The following ANK3 variants were observed in gnomAD, a reference collection of about 807,000 sequenced individuals.
ANK3 encodes ankyrin 3.
Under a neutral mutation model 370.9 loss-of-function variants are expected in ANK3, and 57 were observed. The observed-to-expected ratio is 0.15, with a 90% CI of 0.12 to 0.19. ANK3 has a LOEUF of 0.19. Among genes scored for constraint, ANK3 ranks in the 10% least tolerant of loss-of-function variants. The pLI, the probability that ANK3 is intolerant of heterozygous loss-of-function variation, is 1.00. For synonymous variants in ANK3, 1,929 were observed against 1,946.3 expected (o/e 0.99, Z 0.23); for missense variants, 4,439 against 5,302.1 (o/e 0.84, Z 5.06).
intron 2 of ANK3, among the ~76,000 whole-genome samples, chr10:60,592,946 A>C (rs2077937284): frequency 6.6e-6 from 1 of 152,128 alleles, no homozygotes; most frequent in Non-Finnish European, 1.5e-5. Context: ...AACACACCCT[A>C]ACCTTCTTTC....
At chr10:60,351,422 G>A (rs931702043) in intron 1 of ANK3, among the ~76,000 whole-genome samples, 17 of 152,160 alleles carry the variant, frequency 1.1e-4, no homozygotes, top group South Asian at 4.1e-4. Flanking sequence ...TACATCTGCT[G>A]TGTTTATGAG....
At chr10:60,567,912 G>T (rs1451950701) in intron 2 of ANK3, among the ~76,000 whole-genome samples, 2 of 152,116 alleles carry the variant, frequency 1.3e-5, no homozygotes, top group African/African-American at 2.4e-5. Flanking sequence ...GAAACCTGAA[G>T]ACATGATTGA....
In ANK3 at chr10:60,070,927, G is replaced by C. The variant is rs374022277; in HGVS notation, c.9954C>G (p.Ser3318Arg). The C allele has an allele frequency of 6.2e-7, 1 of 1,613,966 alleles. No individual in the cohort carries two copies. The highest frequency in any genetic ancestry group is 8.5e-7 in the Non-Finnish European group (1 of 1,179,966). ...CTGGCTGATAAATAGATTCGTCATC[G>C]CTTGAATCACTGACGTCTGCCCCGG... Reference protein sequence around the residue: ...VPPGADVSDSSDDESIYQPVP... With the variant: ...VPPGADVSDSRDDESIYQPVP... The change falls in exon 37 of 44, where the codon AGC (serine) becomes AGG (arginine). Residue 3318 changes from serine to arginine, a missense_variant. Coordinates refer to ENST00000280772, the MANE Select transcript of ANK3 (RefSeq NM_020987.5). This position sits in a 1 kb window ranked among gnomAD's most constrained non-coding sequence, Gnocchi z 5.7.
chr10:60,724,422 C>T (rs2079913178), intron 1 of ANK3, among the ~76,000 whole-genome samples: 1 of 151,696 alleles, frequency 6.6e-6, no homozygotes, highest in Admixed American at 6.6e-5. Flanking sequence ...ATATATTTGC[C>T]CTCTTCCCCC....
intron 1 of ANK3, among the ~76,000 whole-genome samples, chr10:60,632,917 T>TCCC (rs1394336055): frequency 2.0e-4 from 25 of 122,534 alleles, no homozygotes; most frequent in Non-Finnish European, 4.2e-4. Flanking sequence ...AAAAAAACCA[T>TCCC]ACTTATTCTT....
At chr10:60,175,976 G>A (rs1349251072) in intron 18 of ANK3, among the ~76,000 whole-genome samples, 2 of 152,166 alleles carry the variant, frequency 1.3e-5, no homozygotes, top group Admixed American at 6.5e-5. Context: ...TGAAAACAGT[G>A]CCTGGCATAT....
At chr10:60,672,565 C>CTT (rs2079075370) in intron 1 of ANK3, among the ~76,000 whole-genome samples, 1 of 152,188 alleles carries the variant, frequency 6.6e-6, no homozygotes, top group Non-Finnish European at 1.5e-5. Context: ...GACAGAAGCT[C>CTT]CAGTGCTCAG....
chr10:60,216,712 T>A (rs1451657611), intron 8 of ANK3, among the ~76,000 whole-genome samples: 1 of 152,214 alleles, frequency 6.6e-6, no homozygotes, highest in East Asian at 1.9e-4. Context: ...TCAGGGATAC[T>A]GGTCTGAAGT....
At chr10:60,456,622 T>A (rs922643425) in intron 2 of ANK3, among the ~76,000 whole-genome samples, 7 of 152,130 alleles carry the variant, frequency 4.6e-5, no homozygotes, top group Admixed American at 1.3e-4. Context: ...ATTCCCTACA[T>A]TTGAGGCACT....
At chr10:60,396,526 C>T (rs2063243979) in intron 2 of ANK3, among the ~76,000 whole-genome samples, 1 of 152,134 alleles carries the variant, frequency 6.6e-6, no homozygotes, top group East Asian at 1.9e-4. Flanking sequence ...GTTTCCATCA[C>T]CTTTATTAAC....
At chr10:60,653,726 G>A (rs1428804812) in intron 1 of ANK3, among the ~76,000 whole-genome samples, 1 of 152,128 alleles carries the variant, frequency 6.6e-6, no homozygotes, top group East Asian at 1.9e-4. Context: ...AAATTAGCTG[G>A]GTGTGGTGGT....
chr10:60,236,316 T>C (rs1264865891), intron 7 of ANK3, among the ~76,000 whole-genome samples: 1 of 151,306 alleles, frequency 6.6e-6, no homozygotes, highest in Non-Finnish European at 1.5e-5. Context: ...AATTCCTTTA[T>C]AGCACCCAAG....
chr10:60,088,840 C>T (rs1327159218), intron 28 of ANK3, among the ~76,000 whole-genome samples: 2 of 152,030 alleles, frequency 1.3e-5, no homozygotes, highest in Admixed American at 6.5e-5. Context: ...TATTATAAAA[C>T]TATTAATATA....
rs2077669138 is a variant in ANK3, at chr10:60,050,184, TAGC to T, written c.13065+5471_13065+5473del. Among the ~76,000 whole-genome samples, 6 of 152,306 alleles carry T rather than the reference TAGC, an allele frequency of 3.9e-5. No homozygotes were observed. The South Asian group carries it at 1.2e-3, about 32-fold the overall frequency. On this transcript the variant is annotated intron_variant, in intron 42 of 43. Coordinates refer to ENST00000280772, the MANE Select transcript of ANK3 (RefSeq NM_020987.5). ...TGACTGATTATGAGGATTTTATTGA[TAGC>T]AGGTTAAATACTTGCAAATGTGCTA...
At chr10:60,584,464 T>G (rs2077802273) in intron 2 of ANK3, among the ~76,000 whole-genome samples, 2 of 86,374 alleles carry the variant, frequency 2.3e-5, no homozygotes, top group South Asian at 7.8e-4. Context: ...ACCAAAAATT[T>G]AAAATTAGCC....
chr10:60,416,480 TC>T (rs913562343), intron 2 of ANK3, among the ~76,000 whole-genome samples: 4 of 152,168 alleles, frequency 2.6e-5, no homozygotes, highest in Admixed American at 1.3e-4. Flanking sequence ...AAAGAGGACA[TC>T]CAATATGATT....
intron 1 of ANK3, chr10:60,684,562 T>A: frequency 6.3e-7 from 1 of 1,586,418 alleles, no homozygotes; most frequent in Non-Finnish European, 8.6e-7. Flanking sequence ...TTCATTTCAA[T>A]CCTTCCACAT....
At chr10:60,681,894 G>A (rs1205632057) in intron 1 of ANK3, among the ~76,000 whole-genome samples, 3 of 152,198 alleles carry the variant, frequency 2.0e-5, no homozygotes, top group East Asian at 1.9e-4. Context: ...GCTCACGCCT[G>A]TAATCCCAGA....
intron 1 of ANK3, among the ~76,000 whole-genome samples, chr10:60,686,425 A>G (rs2079268856): frequency 1.3e-5 from 2 of 152,142 alleles, no homozygotes; most frequent in African/African-American, 4.8e-5. Flanking sequence ...GTCATCCCTT[A>G]CCCATGCTTG....
Sources: gnomAD v4.1 joint callset for allele counts (sites outside exome capture counted in the v4.1 genomes callset) on GRCh38, gnomAD v4.1.1 for gene constraint, Gnocchi (gnomAD v3.1) non-coding constraint, MANE v1.5 for transcripts, NCBI Gene and HGNC (gene_info 2026-07-23, HGNC 2026-07-21) for gene names.